The following C12orf75 variants were observed in gnomAD, a reference collection of about 807,000 sequenced individuals.
C12orf75 encodes chromosome 12 open reading frame 75.
A neutral mutation model predicts 11.4 loss-of-function variants in C12orf75; 4 were observed. The observed-to-expected ratio is 0.35, with a 90% CI of 0.17 to 0.80. The LOEUF (loss-of-function observed/expected upper bound fraction) is 0.80, where lower values mean the gene tolerates loss of function less well. Ranked by LOEUF, C12orf75 falls within the 30% of genes least tolerant of loss-of-function variation. The pLI is 0.52. For synonymous variants in C12orf75, 30 were observed against 30.0 expected (o/e 1.00, Z 0.00); for missense variants, 89 against 80.4 (o/e 1.11, Z -0.41).
chr12:105,361,138 C>T (rs1892860200), intron 2 of C12orf75, among the ~76,000 whole-genome samples: 1 of 152,136 alleles, frequency 6.6e-6, no homozygotes, highest in Admixed American at 6.5e-5. Flanking sequence ...TCGTGTGATC[C>T]TCCCACCGCC....
chr12:105,356,210 A>G (rs1566140370), intron 2 of C12orf75, among the ~76,000 whole-genome samples: 1 of 152,236 alleles, frequency 6.6e-6, no homozygotes, highest in Non-Finnish European at 1.5e-5. Flanking sequence ...AACATGTTAT[A>G]AAGAAAATTA....
At chr12:105,365,011 A>G (rs981287252) in intron 2 of C12orf75, among the ~76,000 whole-genome samples, 1 of 151,530 alleles carries the variant, frequency 6.6e-6, no homozygotes, top group Non-Finnish European at 1.5e-5. Context: ...TAATTTTTGT[A>G]TTTTTAGTAG....
At chr12:105,345,981 T>G (rs1216462333) in intron 1 of C12orf75, among the ~76,000 whole-genome samples, 5 of 152,096 alleles carry the variant, frequency 3.3e-5, no homozygotes, top group Non-Finnish European at 7.4e-5. Context: ...TTTTTAAGTC[T>G]GATAAGAAAC....
At chr12:105,358,860 T>G (rs1892821622) in intron 2 of C12orf75, among the ~76,000 whole-genome samples, 1 of 152,176 alleles carries the variant, frequency 6.6e-6, no homozygotes, top group African/African-American at 2.4e-5. Context: ...CCAGCACTCT[T>G]TGGACTCCAG....
chr12:105,368,261 A>G (rs1407106733), intron 5 of C12orf75, among the ~76,000 whole-genome samples: 1 of 152,170 alleles, frequency 6.6e-6, no homozygotes, highest in East Asian at 1.9e-4. Flanking sequence ...CCAACAACAC[A>G]TTCCATGCTG....
chr12:105,341,185 A>C (rs1892568643), intron 1 of C12orf75, among the ~76,000 whole-genome samples: 1 of 152,258 alleles, frequency 6.6e-6, no homozygotes, highest in Non-Finnish European at 1.5e-5. Context: ...TGCTTAAATA[A>C]ACACAGCATG....
chr12:105,370,362 A>C (rs1478656017), intron 5 of C12orf75, among the ~76,000 whole-genome samples: 3 of 152,198 alleles, frequency 2.0e-5, no homozygotes, highest in Admixed American at 6.5e-5. Context: ...GTTAATATAC[A>C]TGCAGCTAGG....
intron 1 of C12orf75, among the ~76,000 whole-genome samples, chr12:105,335,686 C>G (rs934003390): frequency 6.6e-6 from 1 of 151,558 alleles, no homozygotes. Context: ...CTCTTGTTTT[C>G]TCTCTGTGTG....
chr12:105,366,404 A>T, intron 3 of C12orf75: 1 of 387,026 alleles, frequency 2.6e-6, no homozygotes, highest in Non-Finnish European at 4.5e-6. Flanking sequence ...AATTCTACTA[A>T]CGCAATACAT....
intron 1 of C12orf75, among the ~76,000 whole-genome samples, chr12:105,336,485 C>T (rs1400519913): frequency 6.6e-6 from 1 of 152,166 alleles, no homozygotes; most frequent in Admixed American, 6.5e-5. Flanking sequence ...ATTGTAAGTA[C>T]CCAATATACT....
chr12:105,355,203 T>C (rs1210230536), intron 2 of C12orf75, among the ~76,000 whole-genome samples: 4 of 147,762 alleles, frequency 2.7e-5, no homozygotes, highest in Non-Finnish European at 5.9e-5. Context: ...AGAGTTTTGC[T>C]CTCTTGCCCA....
intron 5 of C12orf75, among the ~76,000 whole-genome samples, chr12:105,368,376 A>G (rs1480891210): frequency 6.6e-6 from 1 of 152,128 alleles, no homozygotes; most frequent in African/African-American, 2.4e-5. Flanking sequence ...TCTATTCTGG[A>G]AGTCAGGTTG....
chr12:105,345,652 G>A (rs935430811), intron 1 of C12orf75, among the ~76,000 whole-genome samples: 75 of 109,914 alleles, frequency 6.8e-4, no homozygotes, highest in African/African-American at 2.7e-3. Flanking sequence ...TTGAATTAGT[G>A]TCTGGCCTTT....
At chr12:105,340,297 C>T (rs563172220) in intron 1 of C12orf75, among the ~76,000 whole-genome samples, 11 of 152,012 alleles carry the variant, frequency 7.2e-5, no homozygotes, top group East Asian at 3.9e-4. Flanking sequence ...TGGTGGCATG[C>T]GCCTGTGGTC....
chr12:105,356,397 CTT>C (rs990298221), intron 2 of C12orf75, among the ~76,000 whole-genome samples: 1 of 126,314 alleles, frequency 7.9e-6, no homozygotes, highest in Non-Finnish European at 1.6e-5. Context: ...AGTTTAGCCT[CTT>C]TAGTGACACT....
intron 1 of C12orf75, among the ~76,000 whole-genome samples, chr12:105,332,237 T>C (rs1477836318): frequency 6.6e-6 from 1 of 152,074 alleles, no homozygotes; most frequent in Non-Finnish European, 1.5e-5. Context: ...CTAGGTACTG[T>C]GGCCGTATGC....
intron 2 of C12orf75, among the ~76,000 whole-genome samples, chr12:105,362,384 CAAA>C (rs35725967): frequency 1.8e-3 from 33 of 18,754 alleles, no homozygotes; most frequent in Non-Finnish European, 8.2e-4. Flanking sequence ...GACTCCGTCT[CAAA>C]AAAAAAAAAA....
intron 2 of C12orf75, among the ~76,000 whole-genome samples, chr12:105,351,773 G>T (rs1273292352): frequency 6.6e-6 from 1 of 152,198 alleles, no homozygotes; most frequent in Non-Finnish European, 1.5e-5. Context: ...GGTACAGTCT[G>T]GGCAGAAGTG....
intron 5 of C12orf75, among the ~76,000 whole-genome samples, chr12:105,368,552 C>G (rs751371043): frequency 1.3e-5 from 2 of 152,180 alleles, no homozygotes; most frequent in Non-Finnish European, 2.9e-5. Context: ...ATCGTCATCA[C>G]CACCATACTA....
Sources: allele counts gnomAD v4.1 joint callset (sites outside exome capture counted in the v4.1 genomes callset), GRCh38; gene constraint gnomAD v4.1.1; transcripts MANE v1.5; gene names NCBI Gene and HGNC (gene_info 2026-07-23, HGNC 2026-07-21).